Variants in CPNE4 observed in about 807,000 individuals in gnomAD.
CPNE4 encodes copine-4.
Under a neutral mutation model 67.9 loss-of-function variants are expected in CPNE4, and 25 were observed. The observed-to-expected ratio is 0.37, with a 90% confidence interval of 0.27 to 0.51. CPNE4 has a LOEUF of 0.51. Among genes scored for constraint, CPNE4 ranks in the 20% least tolerant of loss-of-function variants. CPNE4 has a pLI of 0.93. For missense variants in CPNE4, 464 were observed against 690.8 expected, an observed-to-expected ratio of 0.67 and a Z score of 3.68; for synonymous variants, 242 against 244.9, an observed-to-expected ratio of 0.99 and a Z score of 0.11.
intron 3 of CPNE4, among the ~76,000 whole-genome samples, chr3:131,720,982 A>G (rs1052757601): frequency 6.6e-6 from 1 of 152,112 alleles, no homozygotes; most frequent in Non-Finnish European, 1.5e-5. Context: ...CTCTCCCTTC[A>G]AGTCAGTATA....
chr3:131,561,415 G>C (rs1197632631), intron 11 of CPNE4, among the ~76,000 whole-genome samples: 3 of 151,938 alleles, frequency 2.0e-5, no homozygotes, highest in Non-Finnish European at 4.4e-5. Flanking sequence ...GCTGGGGTGG[G>C]TGGTCAAAGG....
At chr3:131,981,313 G>T (rs13085380) in intron 1 of CPNE4, among the ~76,000 whole-genome samples, 1 of 151,820 alleles carries the variant, frequency 6.6e-6, no homozygotes, top group Non-Finnish European at 1.5e-5. Context: ...ACCATCAGGT[G>T]GGGGTGGGGC....
intron 7 of CPNE4, among the ~76,000 whole-genome samples, chr3:131,655,585 A>G (rs1217927387): frequency 6.6e-6 from 1 of 152,178 alleles, no homozygotes; most frequent in Non-Finnish European, 1.5e-5. Flanking sequence ...GGTGCAATAA[A>G]GCATGCCGTG....
At position 131,845,392 on chromosome 3, in the gene CPNE4, G is replaced by A. The variant is rs188256817; in HGVS notation, c.180+59872C>T. On this transcript the variant is annotated intron_variant, in intron 2 of 15. Transcript: ENST00000429747. ...TGAGGTTACATCCAAATAGCAAACC[G>A]AGGACTCAAACCCAGTTGTCTCTGA... Among the ~76,000 whole-genome samples the A allele has an allele frequency of 1.2e-3, 181 of 152,280 alleles. 1 individual carries two copies. Among genetic ancestry groups the A allele is most frequent in the African/African-American group, 4.3e-3 (178 of 41,564 alleles).
intron 2 of CPNE4, among the ~76,000 whole-genome samples, chr3:131,767,614 A>T (rs2083056010): frequency 6.6e-6 from 1 of 151,966 alleles, no homozygotes; most frequent in Non-Finnish European, 1.5e-5. Context: ...GAAAGGAAAA[A>T]AAGCCCCAGC....
intron 1 of CPNE4, among the ~76,000 whole-genome samples, chr3:131,960,580 A>G (rs1414705647): frequency 6.6e-6 from 1 of 152,170 alleles, no homozygotes; most frequent in African/African-American, 2.4e-5. Flanking sequence ...TAACTGTTCT[A>G]TAGATAAGAA....
intron 14 of CPNE4, among the ~76,000 whole-genome samples, chr3:131,545,941 A>G (rs13091296): frequency 0.16 from 23,748 of 152,040 alleles, 1,962 homozygotes; most frequent in African/African-American, 0.21. Flanking sequence ...ACGTGCCTGT[A>G]ATCCCAGCTA....
At chr3:131,685,406 G>GA (rs55693647) in intron 6 of CPNE4, among the ~76,000 whole-genome samples, 42 of 140,896 alleles carry the variant, frequency 3.0e-4, no homozygotes, top group East Asian at 8.6e-4. Flanking sequence ...GATTAAAAGT[G>GA]AAAAAAAAAA....
At chr3:131,814,301 C>T (rs756957710) in intron 2 of CPNE4, among the ~76,000 whole-genome samples, 27 of 152,056 alleles carry the variant, frequency 1.8e-4, no homozygotes, top group Non-Finnish European at 2.9e-4. Flanking sequence ...ATAAGGCTAA[C>T]AGAGCAGCCA....
intron 10 of CPNE4, among the ~76,000 whole-genome samples, chr3:131,569,373 A>ACTT (rs1937214925): frequency 6.6e-6 from 1 of 152,026 alleles, no homozygotes; most frequent in African/African-American, 2.4e-5. Context: ...GGTGGCTCAC[A>ACTT]CTTATAATCC....
At chr3:132,002,313 G>C (rs1180477957) in intron 1 of CPNE4, among the ~76,000 whole-genome samples, 1 of 152,162 alleles carries the variant, frequency 6.6e-6, no homozygotes, top group African/African-American at 2.4e-5. Context: ...GAAAAGGCCA[G>C]TGACAGGAAC....
At chr3:131,909,337 A>C (rs1077391) in intron 1 of CPNE4, among the ~76,000 whole-genome samples, 77,146 of 151,930 alleles carry the variant, frequency 0.51, 20,193 homozygotes, top group East Asian at 0.66. Context: ...TCCTATACTC[A>C]ATAAAAGCCC....
intron 2 of CPNE4, among the ~76,000 whole-genome samples, chr3:131,794,699 T>C (rs2083871436): frequency 6.6e-6 from 1 of 152,156 alleles, no homozygotes; most frequent in African/African-American, 2.4e-5. Context: ...TGATAAGGAG[T>C]GCTAAAACTT....
intron 15 of CPNE4, among the ~76,000 whole-genome samples, chr3:131,536,604 G>A (rs6778995): frequency 0.14 from 21,363 of 152,194 alleles, 1,609 homozygotes; most frequent in African/African-American, 0.19. Context: ...AGGCAAAAGA[G>A]AAAAGAAAAA....
intron 5 of CPNE4, among the ~76,000 whole-genome samples, chr3:131,693,616 G>T (rs2081082101): frequency 6.6e-6 from 1 of 152,086 alleles, no homozygotes; most frequent in East Asian, 1.9e-4. Context: ...GAGAGAATGA[G>T]AGTGAATAAA....
intron 2 of CPNE4, among the ~76,000 whole-genome samples, chr3:131,758,713 T>G (rs1435534410): frequency 1.3e-5 from 2 of 152,004 alleles, no homozygotes; most frequent in South Asian, 2.1e-4. Context: ...TTGAATTGAA[T>G]CTCCCAGAAT....
chr3:131,862,217 C>G (rs2086719550), intron 2 of CPNE4, among the ~76,000 whole-genome samples: 1 of 152,134 alleles, frequency 6.6e-6, no homozygotes, highest in Admixed American at 6.5e-5. Context: ...TTTGATATCT[C>G]AAATCTCTCA....
intron 1 of CPNE4, among the ~76,000 whole-genome samples, chr3:131,958,749 C>T (rs2072066317): frequency 6.6e-6 from 1 of 150,584 alleles, no homozygotes; most frequent in South Asian, 2.1e-4. Context: ...ACCTCCACCT[C>T]TCAGGTTCAA....
At chr3:131,652,217 C>A (rs1413285219) in intron 7 of CPNE4, among the ~76,000 whole-genome samples, 1 of 152,176 alleles carries the variant, frequency 6.6e-6, no homozygotes, top group Non-Finnish European at 1.5e-5. Context: ...ATGATAAACT[C>A]ATTTTAGAAA....
Sources: allele counts gnomAD v4.1 joint callset (sites outside exome capture counted in the v4.1 genomes callset), GRCh38; gene constraint gnomAD v4.1.1; transcripts MANE v1.5; gene names NCBI Gene and HGNC (gene_info 2026-07-23, HGNC 2026-07-21).